INSL4: variants seen among roughly 807,000 people sequenced by gnomAD.
INSL4 encodes early placenta insulin-like peptide.
Under a neutral mutation model 6.5 loss-of-function variants are expected in INSL4, and 7 were observed. The ratio of observed to expected loss-of-function variants is 1.08; its 90% confidence interval spans 0.61 to 2.02. INSL4 has a LOEUF of 2.02. INSL4 is among the 30% of genes most tolerant of loss of function. The pLI is 0.00. For missense variants in INSL4, 226 were observed against 163.2 expected (o/e 1.38, Z -2.09); for synonymous variants, 82 against 65.8 (o/e 1.25, Z -1.19).
chr9:5,231,817 C>A, intron 1 of INSL4, 98 bp downstream of exon 1: 1 of 1,030,730 alleles, frequency 9.7e-7, no homozygotes, highest in Admixed American at 2.6e-5. Context: ...TCTACTGTGG[C>A]TAGTGCCTAC....
At chr9:5,231,855 CT>C in intron 1 of INSL4, 136 bp downstream of exon 1, 1 of 738,116 alleles carries the variant, frequency 1.4e-6, no homozygotes, top group Non-Finnish European at 2.2e-6. Context: ...TTGTAATGTG[CT>C]TTTATTAAAA....
chr9:5,231,618 G>A lies in INSL4; in HGVS notation c.95G>A (p.Gly32Asp), dbSNP rs751075385. ...ESLAAELRGC[G>D]PRFGKHLLSY... is the part of the protein sequence containing the mutation. The stretch of plus-strand genomic sequence containing the variant: ...CTAGCAGCAGAGCTGAGGGGATGTG[G>A]TCCCCGATTTGGAAAACACTTGCTG... Residue 32 changes from glycine to aspartate, a missense_variant, in exon 1 of 2, where the codon GGT (glycine) becomes GAT (aspartate). Gly to Asp is a moderately conservative substitution (Grantham distance 94). Coordinates refer to ENST00000239316, the MANE Select transcript of INSL4 (RefSeq NM_002195.2). 4 of 1,613,788 alleles carry A rather than the reference G, an allele frequency of 2.5e-6. No individual in the cohort carries two copies. Among genetic ancestry groups the A allele is most frequent in the African/African-American group, 1.3e-5 (1 of 74,896 alleles).
chr9:5,233,850 T>C lies in INSL4; in HGVS notation c.393T>C (p.Asp131=), dbSNP rs758938307. The change falls in exon 2 of 2, where the codon GAT becomes GAC. Residue 131 remains aspartate (D), a synonymous_variant. Transcript: ENST00000239316. ...DPFCCEVICD[D]GTSVKLCT Reference sequence around the variant, plus strand: ...TCTGTTGTGAAGTAATTTGTGACGATGGAACTTCAGTTAAATTATGTACAT... The same window carrying C: ...TCTGTTGTGAAGTAATTTGTGACGACGGAACTTCAGTTAAATTATGTACAT... The C allele has an allele frequency of 6.8e-6, 11 of 1,612,938 alleles. No homozygotes were observed. The Admixed American group carries it at 8.3e-5, about 12-fold the overall frequency.
intron 1 of INSL4, among the ~76,000 whole-genome samples, chr9:5,232,936 T>C (rs112034082): frequency 6.6e-6 from 1 of 152,094 alleles, no homozygotes; most frequent in Admixed American, 6.6e-5. Flanking sequence ...AGTTATTTCC[T>C]TTTTTTACAT....
At chr9:5,233,108 T>C (rs1012426708) in intron 1 of INSL4, among the ~76,000 whole-genome samples, 1 of 152,162 alleles carries the variant, frequency 6.6e-6, no homozygotes, top group Non-Finnish European at 1.5e-5. Context: ...TTTAAATACT[T>C]TGACAAATAT....
chr9:5,234,024 T>C lies in INSL4; in HGVS notation c.*147T>C, dbSNP rs951442247. ...ATGTTTCACTTGCTCTGTACTAATA[T>C]AGTCTCTCCAAATGGAGGAAGTTAG... On this transcript the variant is annotated 3_prime_UTR_variant, in exon 2 of 2. Coordinates refer to ENST00000239316, the MANE Select transcript of INSL4 (RefSeq NM_002195.2). The C allele has an allele frequency of 1.6e-6, 1 of 623,880 alleles. No homozygotes were observed. Among genetic ancestry groups the C allele is most frequent in the Non-Finnish European group, 2.8e-6 (1 of 355,208 alleles). 38.6% of individuals were successfully genotyped at this position (623,880 alleles called of 1,614,324 possible). A position where few individuals can be genotyped will look rare whatever the true frequency, so the allele number is the denominator to read the frequency against.
chr9:5,234,597 T>G lies in INSL4; in HGVS notation c.*720T>G, dbSNP rs1381704751. On this transcript the variant is annotated 3_prime_UTR_variant, in exon 2 of 2. Coordinates refer to ENST00000239316, the MANE Select transcript of INSL4 (RefSeq NM_002195.2). The stretch of plus-strand genomic sequence containing the variant: ...CCTTCAATCATTCTATAAACTCCTC[T>G]TTTGTCCCTGGCATTACTCCACATC... 3 of 152,702 alleles carry G rather than the reference T, an allele frequency of 2.0e-5. No homozygotes were observed. The highest frequency in any genetic ancestry group is 2.9e-5 in the Non-Finnish European group (2 of 68,100). The allele number at this position is 152,702 out of a possible 1,614,324, so 9.5% of individuals were successfully genotyped here. A position where few individuals can be genotyped will look rare whatever the true frequency, so the allele number is the denominator to read the frequency against.
rs761536212 is a variant in INSL4, at chr9:5,231,737, C to T, written c.196+18C>T. Reference sequence around the variant, plus strand: ...TCCCAAAGGTGAGAGCCCTGGACTACCAAACAATCAGAATGAGGCCTGAAA... The same window carrying T: ...TCCCAAAGGTGAGAGCCCTGGACTATCAAACAATCAGAATGAGGCCTGAAA... On this transcript the variant is annotated intron_variant, in intron 1 of 1. Coordinates refer to ENST00000239316, the MANE Select transcript of INSL4 (RefSeq NM_002195.2). 5.0e-6 allele frequency: 8 copies of T among 1,608,864 alleles called. No homozygotes were observed. In the South Asian group the frequency reaches 6.6e-5, roughly 13 times the overall value.
At position 5,231,606 on chromosome 9, in the gene INSL4, T is replaced by C; in HGVS notation, c.83T>C (p.Leu28Pro). Residue 28 changes from leucine to proline, a missense_variant, in exon 1 of 2, where the codon CTG (leucine) becomes CCG (proline). By Grantham distance (98) the Leu-to-Pro change is moderately conservative. Transcript: ENST00000239316. ...QLLRESLAAE[L>P]RGCGPRFGKH... ...CTTAGAGAAAGCCTAGCAGCAGAGC[T>C]GAGGGGATGTGGTCCCCGATTTGGA... 6.2e-7 allele frequency: 1 copy of C among 1,613,952 alleles called. No homozygotes were observed. Among genetic ancestry groups the C allele is most frequent in the South Asian group, 1.1e-5 (1 of 91,070 alleles).
At position 5,234,133 on chromosome 9, in the gene INSL4, A is replaced by G. The variant is rs1308874532; in HGVS notation, c.*256A>G. The G allele has an allele frequency of 3.3e-5, 13 of 397,236 alleles. 1 individual carries two copies. Among genetic ancestry groups the G allele is most frequent in the Non-Finnish European group, 3.2e-5 (7 of 218,502 alleles). 24.6% of individuals were successfully genotyped at this position (397,236 alleles called of 1,614,324 possible). A position where few individuals can be genotyped will look rare whatever the true frequency, so the allele number is the denominator to read the frequency against. On this transcript the variant is annotated 3_prime_UTR_variant, in exon 2 of 2. Coordinates refer to ENST00000239316, the MANE Select transcript of INSL4 (RefSeq NM_002195.2). ...ATTCACTGTATATTCCAAAATAGCTAGAAGAGAATTGTAATGATTCCAACA... is the reference window on the plus strand; with the variant it reads ...ATTCACTGTATATTCCAAAATAGCTGGAAGAGAATTGTAATGATTCCAACA...
rs1176861003 is a variant in INSL4 at position 5,231,674 on chromosome 9, A to G, written c.151A>G (p.Thr51Ala). 34 of 1,613,688 alleles carry G rather than the reference A, an allele frequency of 2.1e-5. No homozygotes were observed. Among genetic ancestry groups the G allele is most frequent in the Non-Finnish European group, 2.9e-5 (34 of 1,179,830 alleles). ...TTGCCCCATGCCTGAGAAGACATTC[A>G]CCACCACCCCAGGAGGGTGGCTGCT... ...SYCPMPEKTF[T>A]TTPGGWLLES... is the part of the protein sequence containing the mutation. The change falls in exon 1 of 2, where the codon ACC becomes GCC. Residue 51 changes from threonine (T) to alanine (A), a missense_variant. By Grantham distance (58) the Thr-to-Ala change is moderately conservative. Transcript: ENST00000239316.
Position 5,232,866 on chromosome 9 carries a change from T to C in INSL4, c.197-788T>C, listed in dbSNP as rs369866780. Among the ~76,000 whole-genome samples, 84 of 152,344 alleles carry C rather than the reference T, an allele frequency of 5.5e-4. No individual in the cohort carries two copies. In the South Asian group the frequency reaches 0.017, roughly 30 times the overall value. On this transcript the variant is annotated intron_variant, in intron 1 of 1. Transcript: ENST00000239316. ...CATTAAATCATTAAATGACTCTGTT[T>C]AAAGTTATCGTGCACAGTGAATGCA...
At chr9:5,232,009 C>A (rs1826153729) in intron 1 of INSL4, among the ~76,000 whole-genome samples, 1 of 152,120 alleles carries the variant, frequency 6.6e-6, no homozygotes, top group Admixed American at 6.5e-5. Flanking sequence ...AGGGAATCCT[C>A]AGAGAAGGTG....
In INSL4 at chr9:5,231,619, TC is replaced by T. The variant is rs766102567; in HGVS notation, c.100del (p.Arg34AspfsTer46). Reference sequence around the variant, plus strand: ...TAGCAGCAGAGCTGAGGGGATGTGGTCCCCGATTTGGAAAACACTTGCTGTC... The same window carrying T: ...TAGCAGCAGAGCTGAGGGGATGTGGTCCCGATTTGGAAAACACTTGCTGTC... ...SLAAELRGCG[P>X]RFGKHLLSYC... On this transcript the variant is annotated frameshift_variant, in exon 1 of 2. Coordinates refer to ENST00000239316, the MANE Select transcript of INSL4 (RefSeq NM_002195.2). LOFTEE classifies it high-confidence loss of function. 1.2e-6 allele frequency: 2 copies of T among 1,613,890 alleles called. No homozygotes were observed. The highest frequency in any genetic ancestry group is 2.2e-5 in the East Asian group (1 of 44,842).
chr9:5,232,132 A>G (rs570680040), intron 1 of INSL4, among the ~76,000 whole-genome samples: 34 of 152,260 alleles, frequency 2.2e-4, no homozygotes, highest in African/African-American at 8.2e-4. Context: ...GGCATCTTCA[A>G]TTAAGAAGAA....
At chr9:5,232,525 A>T (rs12351840) in intron 1 of INSL4, among the ~76,000 whole-genome samples, 6,042 of 152,208 alleles carry the variant, frequency 0.04, 335 homozygotes, top group African/African-American at 0.13. Context: ...TAGTGTTTTC[A>T]ACATTTGAGA....
chr9:5,233,633 T>C lies in INSL4; in HGVS notation c.197-21T>C, dbSNP rs139922875. 7.3e-5 allele frequency: 116 copies of C among 1,585,822 alleles called. No individual in the cohort carries two copies. The Middle Eastern group carries it at 1.2e-3, about 16-fold the overall frequency. ...CATGAATGTTTTTCCTCACCTTTCATTCCTCTCTTTTACTTCACAGAAATG... is the reference window on the plus strand; with the variant it reads ...CATGAATGTTTTTCCTCACCTTTCACTCCTCTCTTTTACTTCACAGAAATG... On this transcript the variant is annotated intron_variant, in intron 1 of 1. Coordinates refer to ENST00000239316, the MANE Select transcript of INSL4 (RefSeq NM_002195.2).
rs1479346199 is a variant in INSL4 at position 5,234,154 on chromosome 9, CA to C, written c.*279del. On this transcript the variant is annotated 3_prime_UTR_variant, in exon 2 of 2. Coordinates refer to ENST00000239316, the MANE Select transcript of INSL4 (RefSeq NM_002195.2). ...AGCTAGAAGAGAATTGTAATGATTC[CA>C]ACACAAAAAAGATGAATGTTAGTTT... 3.0e-6 allele frequency: 1 copy of C among 336,176 alleles called. No homozygotes were observed. The highest frequency in any genetic ancestry group is 2.1e-5 in the African/African-American group (1 of 47,122). The allele number at this position is 336,176 out of a possible 1,614,324, so 20.8% of individuals were successfully genotyped here.
Position 5,231,447 on chromosome 9 carries a change from C to A in INSL4, c.-77C>A, listed in dbSNP as rs879234271. 2.1e-6 allele frequency: 3 copies of A among 1,408,892 alleles called. No homozygotes were observed. Among genetic ancestry groups the A allele is most frequent in the South Asian group, 2.7e-5 (2 of 73,962 alleles). The allele number at this position is 1,408,892 out of a possible 1,614,324, so 87.3% of individuals were successfully genotyped here. On this transcript the variant is annotated 5_prime_UTR_variant, in exon 1 of 2. Transcript: ENST00000239316. ...CTGGAGCCCAGAAGGGACACACCAGCACAGTCTGGTAGGCTACAGCAGCAA... is the reference window on the plus strand; with the variant it reads ...CTGGAGCCCAGAAGGGACACACCAGAACAGTCTGGTAGGCTACAGCAGCAA...
Sources: allele counts gnomAD v4.1 joint callset (sites outside exome capture counted in the v4.1 genomes callset), GRCh38; gene constraint gnomAD v4.1.1; transcripts MANE v1.5; gene names NCBI Gene and HGNC (gene_info 2026-07-23, HGNC 2026-07-21).